LRMDA: variants seen among roughly 807,000 people sequenced by gnomAD.
The protein encoded by LRMDA is leucine-rich melanocyte differentiation-associated protein.
LRMDA carries 18 observed loss-of-function variants against 29.8 expected under a neutral mutation model. The ratio of observed to expected loss-of-function variants is 0.60; its 90% CI spans 0.42 to 0.90. The LOEUF (loss-of-function observed/expected upper bound fraction) is 0.90, where lower values mean the gene tolerates loss of function less well. Among genes scored for constraint, LRMDA ranks in the 40% least tolerant of loss-of-function variants. The probability of loss-of-function intolerance (pLI) is 0.00; values close to 1 mark genes in which losing one functional copy is unlikely to be tolerated. For missense variants in LRMDA, 273 were observed against 273.9 expected (o/e 1.00, Z 0.02); for synonymous variants, 125 against 109.4 (o/e 1.14, Z -0.89).
intron 5 of LRMDA, among the ~76,000 whole-genome samples, chr10:76,156,655 G>A (rs7477264): frequency 6.6e-6 from 1 of 152,150 alleles, no homozygotes; most frequent in Non-Finnish European, 1.5e-5. Context: ...TATTAGAGGA[G>A]TATTATGGGC....
At chr10:76,408,633 G>A (rs1841927167) in intron 6 of LRMDA, among the ~76,000 whole-genome samples, 1 of 152,162 alleles carries the variant, frequency 6.6e-6, no homozygotes. Context: ...AAACTGTCCA[G>A]TTTTTGAAAT....
chr10:76,444,807 ATG>A (rs1225924794), intron 6 of LRMDA, among the ~76,000 whole-genome samples: 1 of 152,078 alleles, frequency 6.6e-6, no homozygotes, highest in Non-Finnish European at 1.5e-5. Context: ...CAGTATGTAT[ATG>A]TGTGTGTGTA....
At chr10:76,435,632 G>A (rs1290796828) in intron 6 of LRMDA, among the ~76,000 whole-genome samples, 1 of 152,166 alleles carries the variant, frequency 6.6e-6, no homozygotes, top group African/African-American at 2.4e-5. Flanking sequence ...TCTGGGTTGG[G>A]AGAAGTTGAA....
intron 4 of LRMDA, 69 bp downstream of exon 4, chr10:76,047,372 C>T (rs546916773): frequency 9.8e-6 from 14 of 1,435,502 alleles, no homozygotes; most frequent in East Asian, 2.4e-5. Context: ...TGATATTATA[C>T]TCTGGGGTGC....
chr10:75,618,380 C>CTATATA (rs1471312612), intron 2 of LRMDA, among the ~76,000 whole-genome samples: 19 of 55,282 alleles, frequency 3.4e-4, no homozygotes, highest in African/African-American at 1.1e-3. Context: ...CTCTCTCTCT[C>CTATATA]TCTATATATA....
chr10:76,419,517 C>T (rs997508492), intron 6 of LRMDA, among the ~76,000 whole-genome samples: 6 of 152,004 alleles, frequency 3.9e-5, no homozygotes, highest in Non-Finnish European at 8.8e-5. Context: ...GTTTATAAAT[C>T]TGCCGTAAAC....
At chr10:75,976,027 C>T (rs947005598) in intron 2 of LRMDA, among the ~76,000 whole-genome samples, 8 of 152,340 alleles carry the variant, frequency 5.3e-5, no homozygotes, top group East Asian at 3.9e-4. Flanking sequence ...CCAGAGTGGG[C>T]GTTCAAATTG....
intron 2 of LRMDA, among the ~76,000 whole-genome samples, chr10:75,741,722 G>A (rs1842831954): frequency 6.6e-6 from 1 of 152,118 alleles, no homozygotes; most frequent in Admixed American, 6.5e-5. Flanking sequence ...GAAAGAAGAG[G>A]GCCAACTCTG....
At position 76,515,767 on chromosome 10, in the gene LRMDA, G is replaced by T. The variant is rs184650178; in HGVS notation, c.602-41442G>T. 3.9e-4 allele frequency among the ~76,000 whole-genome samples: 59 copies of T among 152,266 alleles called. No individual in the cohort carries two copies. The East Asian group carries it at 7.9e-3, about 20-fold the overall frequency. Reference sequence around the variant, plus strand: ...CAATCTGCCGCCTCGGCCTCCCAAAGTGTTGGGATTTCAGCCGTGAGGCAC... The same window carrying T: ...CAATCTGCCGCCTCGGCCTCCCAAATTGTTGGGATTTCAGCCGTGAGGCAC... On this transcript the variant is annotated intron_variant, in intron 6 of 6. Transcript: ENST00000611255.
chr10:76,240,943 G>A (rs1484579543), intron 5 of LRMDA, among the ~76,000 whole-genome samples: 1 of 151,722 alleles, frequency 6.6e-6, no homozygotes, highest in Non-Finnish European at 1.5e-5. Context: ...AAAAAGGAAT[G>A]AAATAATGGC....
chr10:75,552,612 CT>C, intron 2 of LRMDA: 1 of 431,280 alleles, frequency 2.3e-6, no homozygotes. Flanking sequence ...GTGGTTTGCT[CT>C]TTTTAATTAA....
At chr10:75,696,035 G>T (rs972239102) in intron 2 of LRMDA, among the ~76,000 whole-genome samples, 1 of 151,922 alleles carries the variant, frequency 6.6e-6, no homozygotes, top group Non-Finnish European at 1.5e-5. Context: ...AAAAAGATAA[G>T]ATTAAAAAAA....
rs533722632 is a variant in LRMDA, at chr10:76,364,552, G to A, written c.601+40067G>A. Among the ~76,000 whole-genome samples, 42 of 152,110 alleles carry A rather than the reference G, an allele frequency of 2.8e-4. No individual in the cohort carries two copies. The South Asian group carries it at 7.9e-3, about 29-fold the overall frequency. ...TTTTTCCATGTTGGGGGAACCAGGAGCCTTAGGAGCTTGGTGGGGTGTCAA... is the reference window on the plus strand; with the variant it reads ...TTTTTCCATGTTGGGGGAACCAGGAACCTTAGGAGCTTGGTGGGGTGTCAA... On this transcript the variant is annotated intron_variant, in intron 6 of 6. Coordinates refer to ENST00000611255, the MANE Select transcript of LRMDA (RefSeq NM_001305581.2).
intron 2 of LRMDA, among the ~76,000 whole-genome samples, chr10:75,679,360 C>T (rs973426315): frequency 6.6e-6 from 1 of 151,928 alleles, no homozygotes; most frequent in African/African-American, 2.4e-5. Context: ...ATTATTATAC[C>T]TAATTTGAAG....
At chr10:75,871,518 C>T (rs1755165202) in intron 2 of LRMDA, among the ~76,000 whole-genome samples, 1 of 152,144 alleles carries the variant, frequency 6.6e-6, no homozygotes, top group Non-Finnish European at 1.5e-5. Context: ...GAGTCATGCC[C>T]ATTGCCAAGA....
chr10:75,988,059 C>G (rs1847291801), intron 2 of LRMDA, among the ~76,000 whole-genome samples: 1 of 152,204 alleles, frequency 6.6e-6, no homozygotes, highest in Admixed American at 6.5e-5. Context: ...ATGGAATGAC[C>G]TCTGTGTCAC....
intron 2 of LRMDA, among the ~76,000 whole-genome samples, chr10:75,837,004 G>A (rs987886256): frequency 2.6e-5 from 4 of 152,116 alleles, no homozygotes; most frequent in Non-Finnish European, 5.9e-5. Context: ...AACTGTACAT[G>A]TAAGCATAGA....
At chr10:76,128,658 G>A (rs1248828700) in intron 5 of LRMDA, among the ~76,000 whole-genome samples, 1 of 152,136 alleles carries the variant, frequency 6.6e-6, no homozygotes, top group African/African-American at 2.4e-5. Context: ...ATCCATCCCT[G>A]AACTCCTCTT....
chr10:76,487,567 G>A (rs773285142), intron 6 of LRMDA, among the ~76,000 whole-genome samples: 1 of 151,876 alleles, frequency 6.6e-6, no homozygotes, highest in Non-Finnish European at 1.5e-5. Flanking sequence ...ATTTGAGTAT[G>A]GGGATTTGAG....
Sources: gnomAD v4.1 joint callset for allele counts (sites outside exome capture counted in the v4.1 genomes callset) on GRCh38, gnomAD v4.1.1 for gene constraint, MANE v1.5 for transcripts, NCBI Gene and HGNC (gene_info 2026-07-23, HGNC 2026-07-21) for gene names.